Variants in STAG1 observed in about 807,000 individuals in gnomAD.
The protein encoded by STAG1 is cohesin subunit SA-1.
In STAG1, 26 loss-of-function variants were observed where a neutral mutation model predicts 170.9. That is an observed-to-expected ratio of 0.15 (90% CI 0.11 to 0.21). STAG1 has a LOEUF of 0.21. STAG1 is among the 10% of genes least tolerant of loss of function. The pLI is 1.00. For missense variants in STAG1, 964 were observed against 1,509.5 expected, an observed-to-expected ratio of 0.64 and a Z score of 5.99; for synonymous variants, 514 against 497.7, an observed-to-expected ratio of 1.03 and a Z score of -0.44.
chr3:136,630,806 A>G (rs1576689388), intron 2 of STAG1, 64 bp downstream of exon 2: 2 of 1,154,512 alleles, frequency 1.7e-6, no homozygotes, highest in East Asian at 5.1e-5. Flanking sequence ...GCATTTTGAT[A>G]AAGAAATAAG....
intron 4 of STAG1, among the ~76,000 whole-genome samples, chr3:136,595,314 A>C (rs1228820291): frequency 6.6e-6 from 1 of 152,144 alleles, no homozygotes; most frequent in African/African-American, 2.4e-5. Context: ...AACGCTACCA[A>C]GTCAAACAAC....
chr3:136,395,850 C>T (rs1174310792), intron 22 of STAG1, among the ~76,000 whole-genome samples: 1 of 152,076 alleles, frequency 6.6e-6, no homozygotes, highest in Non-Finnish European at 1.5e-5. Flanking sequence ...ATCATTAAAC[C>T]CTTCCTATCA....
chr3:136,356,036 G>C (rs992865454), intron 28 of STAG1, among the ~76,000 whole-genome samples: 2 of 151,242 alleles, frequency 1.3e-5, no homozygotes, highest in Admixed American at 6.6e-5. Flanking sequence ...TTCAGTGCCT[G>C]AAACTCTCGT....
At chr3:136,556,557 G>C (rs559449045) in intron 5 of STAG1, among the ~76,000 whole-genome samples, 83 of 151,096 alleles carry the variant, frequency 5.5e-4, no homozygotes, top group Non-Finnish European at 4.3e-4. Context: ...TTTGCTGATA[G>C]AACTTGACAT....
At chr3:136,339,203 C>T (rs1160681657) in intron 32 of STAG1, among the ~76,000 whole-genome samples, 1 of 152,128 alleles carries the variant, frequency 6.6e-6, no homozygotes, top group Non-Finnish European at 1.5e-5. Context: ...CAAAAGAAAT[C>T]ACCTTCATCT....
intron 16 of STAG1, among the ~76,000 whole-genome samples, chr3:136,426,411 A>G (rs909037436): frequency 6.6e-6 from 1 of 152,164 alleles, no homozygotes; most frequent in Non-Finnish European, 1.5e-5. Flanking sequence ...CTCCGTCTCA[A>G]AAACAAACAA....
At chr3:136,402,041 C>T (rs1223846717) in intron 21 of STAG1, among the ~76,000 whole-genome samples, 1 of 151,746 alleles carries the variant, frequency 6.6e-6, no homozygotes, top group East Asian at 1.9e-4. Context: ...ACCGCGCCCA[C>T]CCAATATTCC....
chr3:136,634,401 G>A (rs1172973982), intron 1 of STAG1, among the ~76,000 whole-genome samples: 1 of 151,274 alleles, frequency 6.6e-6, no homozygotes, highest in East Asian at 1.9e-4. Flanking sequence ...ACCATATAAT[G>A]GGGGGGTCCC....
At chr3:136,420,323 A>G (rs1049312913) in intron 20 of STAG1, among the ~76,000 whole-genome samples, 1 of 151,974 alleles carries the variant, frequency 6.6e-6, no homozygotes. Flanking sequence ...TAAAGGAAAA[A>G]CATATCTCAA....
rs1936965526 is a variant in STAG1 at position 136,363,698 on chromosome 3, T to G, written c.2686-231A>C. 2.0e-5 allele frequency among the ~76,000 whole-genome samples: 3 copies of G among 152,194 alleles called. No individual in the cohort carries two copies. In the South Asian group the frequency reaches 6.2e-4, roughly 31 times the overall value. ...ACATTTGATGTTTAAGATTATGAACTAATACTAGTAAAACCAAAAAAGCTG... is the reference window on the plus strand; with the variant it reads ...ACATTTGATGTTTAAGATTATGAACGAATACTAGTAAAACCAAAAAAGCTG... On this transcript the variant is annotated intron_variant, in intron 25 of 33. Coordinates refer to ENST00000383202, the MANE Select transcript of STAG1 (RefSeq NM_005862.3).
At chr3:136,528,790 C>T (rs890600314) in intron 6 of STAG1, among the ~76,000 whole-genome samples, 1 of 151,730 alleles carries the variant, frequency 6.6e-6, no homozygotes, top group Non-Finnish European at 1.5e-5. Context: ...ATTAGTCAGG[C>T]ATGGTGGTAT....
At chr3:136,498,951 T>C (rs1933313720) in intron 9 of STAG1, among the ~76,000 whole-genome samples, 1 of 152,190 alleles carries the variant, frequency 6.6e-6, no homozygotes, top group Non-Finnish European at 1.5e-5. Flanking sequence ...TGCCACTTGG[T>C]ATACACAGGG....
intron 4 of STAG1, among the ~76,000 whole-genome samples, chr3:136,595,683 T>TCAAG (rs1380999155): frequency 3.4e-3 from 80 of 23,458 alleles, no homozygotes; most frequent in African/African-American, 6.0e-3. Context: ...TCTCAATAAA[T>TCAAG]AAATAAATAA....
intron 6 of STAG1, among the ~76,000 whole-genome samples, chr3:136,532,040 AT>A (rs1935401804): frequency 6.6e-6 from 1 of 152,122 alleles, no homozygotes; most frequent in Non-Finnish European, 1.5e-5. Flanking sequence ...CAGACCAAAA[AT>A]AAATTAAAAC....
intron 5 of STAG1, among the ~76,000 whole-genome samples, chr3:136,567,203 A>G (rs1190256301): frequency 6.6e-6 from 1 of 152,186 alleles, no homozygotes; most frequent in Non-Finnish European, 1.5e-5. Context: ...TCAAATTAAA[A>G]CCCAATCCAA....
intron 9 of STAG1, among the ~76,000 whole-genome samples, chr3:136,496,689 A>G (rs1933118509): frequency 1.3e-5 from 2 of 152,182 alleles, no homozygotes; most frequent in Non-Finnish European, 2.9e-5. Flanking sequence ...CCTTATTAGA[A>G]AAAAAGTGTC....
chr3:136,702,827 T>C (rs1943121277), intron 1 of STAG1, among the ~76,000 whole-genome samples: 1 of 152,002 alleles, frequency 6.6e-6, no homozygotes, highest in South Asian at 2.1e-4. Context: ...CCCAGCACTA[T>C]GAGAGGCCGA....
chr3:136,520,421 A>C (rs1193574661), intron 7 of STAG1, among the ~76,000 whole-genome samples: 2 of 152,158 alleles, frequency 1.3e-5, no homozygotes, highest in Non-Finnish European at 2.9e-5. Context: ...TGCTACTAAA[A>C]AAGATGTAAT....
At chr3:136,596,176 G>A (rs1177760452) in intron 4 of STAG1, among the ~76,000 whole-genome samples, 1 of 152,140 alleles carries the variant, frequency 6.6e-6, no homozygotes, top group Non-Finnish European at 1.5e-5. Flanking sequence ...ATAGTTCTGT[G>A]GTAAAATGCT....
Sources: gnomAD v4.1 joint callset for allele counts (sites outside exome capture counted in the v4.1 genomes callset) on GRCh38, gnomAD v4.1.1 for gene constraint, MANE v1.5 for transcripts, NCBI Gene and HGNC (gene_info 2026-07-23, HGNC 2026-07-21) for gene names.